ALS2: variants seen among roughly 807,000 people sequenced by gnomAD.
ALS2 encodes the protein alsin Rho guanine nucleotide exchange factor ALS2, also known as alsin.
In ALS2, 117 loss-of-function variants were observed where a neutral mutation model predicts 203.4. The ratio of observed to expected loss-of-function variants is 0.58; its 90% CI spans 0.50 to 0.67. ALS2 has a LOEUF of 0.67. ALS2 is among the 30% of genes least tolerant of loss of function. The pLI, the probability that ALS2 is intolerant of heterozygous loss-of-function variation, is 0.00. For missense variants in ALS2, 1,715 were observed against 1,989.4 expected (o/e 0.86, Z 2.62); for synonymous variants, 718 against 725.9 (o/e 0.99, Z 0.17).
At position 201,761,589 on chromosome 2, in the gene ALS2, A is replaced by G. The variant is rs904657691; in HGVS notation, c.405T>C (p.Asn135=). The G allele has an allele frequency of 1.1e-5, 18 of 1,614,090 alleles. No individual in the cohort carries two copies. Among genetic ancestry groups the G allele is most frequent in the Non-Finnish European group, 1.5e-5 (18 of 1,180,034 alleles). Reference sequence around the variant, plus strand: ...CCTCAGAATCAGCAATGCTGACAGGATTTGGTTCCGGCACATACTGCTGGT... The same window carrying G: ...CCTCAGAATCAGCAATGCTGACAGGGTTTGGTTCCGGCACATACTGCTGGT... ...VANQQYVPEP[N]PVSIADSEAS... Residue 135 remains asparagine (N), a synonymous_variant, in exon 4 of 34, where the codon AAT becomes AAC. Transcript: ENST00000264276.
chr2:201,746,569 A>G lies in ALS2; in HGVS notation c.1995T>C (p.Ser665=). 6.2e-7 allele frequency: 1 copy of G among 1,614,128 alleles called. No homozygotes were observed. The highest frequency in any genetic ancestry group is 8.5e-7 in the Non-Finnish European group (1 of 1,179,978). ...GSKTPVLLSC[S]KLGYISRVTA... is the part of the protein sequence containing the mutation. ...TTAGGATCCAATTCCTGTTCACCTT[A>G]CTACAGGAGAGAAGTACTGGAGTCT... is the stretch of plus-strand genomic sequence containing the variant. The change falls in exon 9 of 34, where the codon AGT becomes AGC. Residue 665 remains serine, a synonymous_variant. Transcript: ENST00000264276.
intron 11 of ALS2, among the ~76,000 whole-genome samples, chr2:201,738,989 A>G (rs1692065979): frequency 6.6e-6 from 1 of 152,124 alleles, no homozygotes; most frequent in South Asian, 2.1e-4. Context: ...CTGTAATCCC[A>G]GCACTTTGGG....
intron 7 of ALS2, among the ~76,000 whole-genome samples, chr2:201,751,289 G>GC (rs1256915641): frequency 6.6e-6 from 1 of 152,080 alleles, no homozygotes; most frequent in Non-Finnish European, 1.5e-5. Flanking sequence ...CTCTCTTCCA[G>GC]CAAGGTCCAA....
chr2:201,756,053 A>T (rs1462893870), intron 5 of ALS2, among the ~76,000 whole-genome samples: 1 of 152,198 alleles, frequency 6.6e-6, no homozygotes, highest in African/African-American at 2.4e-5. Context: ...AGAGGGGGAA[A>T]AGAGTACATG....
intron 1 of ALS2, among the ~76,000 whole-genome samples, chr2:201,769,149 C>T (rs1694250417): frequency 6.6e-6 from 1 of 152,128 alleles, no homozygotes; most frequent in Non-Finnish European, 1.5e-5. Context: ...TGCCCATTGA[C>T]TGTCAAATGT....
intron 25 of ALS2, among the ~76,000 whole-genome samples, chr2:201,714,507 T>C (rs2105979592): frequency 6.6e-6 from 1 of 152,358 alleles, no homozygotes; most frequent in South Asian, 2.1e-4. Flanking sequence ...CTGTGTCTTT[T>C]TCCCTTATGA....
chr2:201,773,805 G>A lies in ALS2; in HGVS notation c.-60-4860C>T, dbSNP rs138766804. Among the ~76,000 whole-genome samples the A allele has an allele frequency of 7.6e-3, 1,154 of 152,228 alleles. 13 individuals are homozygous for A. Among genetic ancestry groups the A allele is most frequent in the Non-Finnish European group, 8.5e-3 (575 of 68,016 alleles). ...CTGGAAGTTGGATAGGATGAGGATC[G>A]GACAAAGAGGACTGAGACTGAGAAG... On this transcript the variant is annotated intron_variant, in intron 1 of 33. Coordinates refer to ENST00000264276, the MANE Select transcript of ALS2 (RefSeq NM_020919.4).
intron 13 of ALS2, among the ~76,000 whole-genome samples, chr2:201,729,774 G>A (rs900999950): frequency 4.6e-5 from 7 of 151,398 alleles, no homozygotes; most frequent in Non-Finnish European, 8.8e-5. Context: ...CCAGCTACTC[G>A]GGAGGATGAG....
In ALS2 at chr2:201,701,646, C is replaced by T. The variant is rs1009731174; in HGVS notation, c.*205G>A. ...GAACTGGTCTAATCTGATTTTTTAC[C>T]TCCCTTTCAATCCTCCCTTTAAACT... On this transcript the variant is annotated 3_prime_UTR_variant, in exon 34 of 34. Coordinates refer to ENST00000264276, the MANE Select transcript of ALS2 (RefSeq NM_020919.4). The T allele has an allele frequency of 5.4e-6, 3 of 559,432 alleles. No individual in the cohort carries two copies. Among genetic ancestry groups the T allele is most frequent in the Non-Finnish European group, 9.6e-6 (3 of 311,182 alleles). 34.7% of individuals were successfully genotyped at this position (559,432 alleles called of 1,614,324 possible).
In ALS2 at chr2:201,746,610, T is replaced by G; in HGVS notation, c.1954A>C (p.Asn652His). The change falls in exon 9 of 34, where the codon AAT becomes CAT. Residue 652 changes from asparagine (N) to histidine (H), a missense_variant. By Grantham distance (68) the Asn-to-His change is moderately conservative. Transcript: ENST00000264276. Reference sequence around the variant, plus strand: ...ACTGGAGTCTTAGAACCACTGTGATTCTCTGGAAGGTTGTCACCTTCTGTA... The same window carrying G: ...ACTGGAGTCTTAGAACCACTGTGATGCTCTGGAAGGTTGTCACCTTCTGTA... The part of the protein sequence containing the change: ...DPTEGDNLPE[N>H]HSGSKTPVLL... 1 of 1,614,180 alleles carries G rather than the reference T, an allele frequency of 6.2e-7. No individual in the cohort carries two copies. Among genetic ancestry groups the G allele is most frequent in the African/African-American group, 1.3e-5 (1 of 75,042 alleles).
chr2:201,727,428 G>A, intron 16 of ALS2, 150 bp from the exon 17 acceptor site: 1 of 790,046 alleles, frequency 1.3e-6, no homozygotes, highest in Admixed American at 2.0e-5. Context: ...CCACCACGGT[G>A]GAAAGAACAA....
At chr2:201,706,752 T>C in intron 29 of ALS2, 94 bp downstream of exon 29, 5 of 1,262,524 alleles carry the variant, frequency 4.0e-6, no homozygotes, top group Non-Finnish European at 4.6e-6. Flanking sequence ...ACAAGCCATA[T>C]ATATAATTAG....
intron 21 of ALS2, among the ~76,000 whole-genome samples, chr2:201,723,720 T>A (rs1690964319): frequency 6.6e-6 from 1 of 152,196 alleles, no homozygotes; most frequent in Admixed American, 6.5e-5. Context: ...ACATAATTTT[T>A]AAAAAGAAGG....
chr2:201,776,616 T>C (rs1033316592), intron 1 of ALS2, among the ~76,000 whole-genome samples: 4 of 152,156 alleles, frequency 2.6e-5, no homozygotes, highest in African/African-American at 9.7e-5. Context: ...ACAAACTACT[T>C]ATTCCGTTAA....
chr2:201,777,903 A>G (rs1490585680), intron 1 of ALS2, among the ~76,000 whole-genome samples: 1 of 152,166 alleles, frequency 6.6e-6, no homozygotes, highest in African/African-American at 2.4e-5. Flanking sequence ...TTTTTATGAG[A>G]AGATAGTATT....
At chr2:201,762,909 T>G (rs1693842573) in intron 3 of ALS2, 1 of 155,814 alleles carries the variant, frequency 6.4e-6, no homozygotes, top group Non-Finnish European at 1.4e-5. Context: ...ATGACCAAGC[T>G]GAGCTGCCTG....
At chr2:201,722,993 T>A (rs74267265) in intron 23 of ALS2, 50 bp downstream of exon 23, 5 of 1,392,336 alleles carry the variant, frequency 3.6e-6, no homozygotes, top group Non-Finnish European at 5.0e-6. Context: ...TAAAAAAAAA[T>A]TAGTAAAAGA....
rs1689322218 is a variant in ALS2, at chr2:201,700,557, GATGA to G, written c.*1290_*1293del. 6.6e-6 allele frequency: 1 copy of G among 152,618 alleles called. No homozygotes were observed. Among genetic ancestry groups the G allele is most frequent in the African/African-American group, 2.4e-5 (1 of 41,450 alleles). The allele number at this position is 152,618 out of a possible 1,614,324, so 9.5% of individuals were successfully genotyped here. On this transcript the variant is annotated 3_prime_UTR_variant, in exon 34 of 34. Transcript: ENST00000264276. ...TACAATCATAAAACAACCACATAAAGATGAATGCCTTTTATTATGAAAATTGCTG... is the reference window on the plus strand; with the variant it reads ...TACAATCATAAAACAACCACATAAAGATGCCTTTTATTATGAAAATTGCTG...
At chr2:201,729,896 A>C (rs56155336) in intron 13 of ALS2, among the ~76,000 whole-genome samples, 8 of 148,278 alleles carry the variant, frequency 5.4e-5, no homozygotes, top group African/African-American at 1.0e-4. Flanking sequence ...AAAAAAAAAA[A>C]AAAAAAACAA....
Sources: allele counts gnomAD v4.1 joint callset (sites outside exome capture counted in the v4.1 genomes callset), GRCh38; gene constraint gnomAD v4.1.1; transcripts MANE v1.5; gene names NCBI Gene and HGNC (gene_info 2026-07-23, HGNC 2026-07-21).